The following ACOX3 variants were observed in gnomAD, a reference collection of about 807,000 sequenced individuals.
The protein encoded by ACOX3 is peroxisomal acyl-coenzyme A oxidase 3.
Under a neutral mutation model 81.5 loss-of-function variants are expected in ACOX3, and 73 were observed. The observed-to-expected ratio is 0.90, with a 90% CI of 0.74 to 1.09. The LOEUF is 1.09. Ranked by LOEUF, ACOX3 falls within the 50% of genes least tolerant of loss-of-function variation. The pLI is 0.00. For synonymous variants in ACOX3, 387 were observed against 375.1 expected, an observed-to-expected ratio of 1.03 and a Z score of -0.37; for missense variants, 947 against 928.0, an observed-to-expected ratio of 1.02 and a Z score of -0.27.
chr4:8,425,737 C>T (rs1346133135), intron 1 of ACOX3, among the ~76,000 whole-genome samples: 1 of 151,320 alleles, frequency 6.6e-6, no homozygotes, highest in Non-Finnish European at 1.5e-5. Flanking sequence ...GGAGGCCTTT[C>T]CTTGTAGGAC....
Position 8,423,310 on chromosome 4 carries a change from C to G in ACOX3, c.-14-6775G>C, listed in dbSNP as rs1191105148. Among the ~76,000 whole-genome samples, 1 of 152,152 alleles carries G rather than the reference C, an allele frequency of 6.6e-6. No individual in the cohort carries two copies. The highest frequency in any genetic ancestry group is 2.4e-5 in the African/African-American group (1 of 41,430). On this transcript the variant is annotated intron_variant, in intron 1 of 17. Coordinates refer to ENST00000356406, the MANE Select transcript of ACOX3 (RefSeq NM_003501.3). The surrounding 1 kb of genome is among the most constrained non-coding windows in gnomAD (Gnocchi z 4.2). Reference sequence around the variant, plus strand: ...AAGCAGGGGCCATTATACACCTGAACATGGGAGAAGGAACACCGTTTGCTG... The same window carrying G: ...AAGCAGGGGCCATTATACACCTGAAGATGGGAGAAGGAACACCGTTTGCTG...
At position 8,381,682 on chromosome 4, in the gene ACOX3, C is replaced by A; in HGVS notation, c.1538-75G>T. 4 of 1,113,760 alleles carry A rather than the reference C, an allele frequency of 3.6e-6. No homozygotes were observed. In the South Asian group the frequency reaches 5.3e-5, roughly 15 times the overall value. 69.0% of individuals were successfully genotyped at this position (1,113,760 alleles called of 1,614,324 possible). ...ATTTGTCACAACTCACCCCCAGGGACAAGGCACTGCCAGCATCCTGCAGGT... is the reference window on the plus strand; with the variant it reads ...ATTTGTCACAACTCACCCCCAGGGAAAAGGCACTGCCAGCATCCTGCAGGT... On this transcript the variant is annotated intron_variant, in intron 13 of 17. Transcript: ENST00000356406. This position sits in a 1 kb window ranked among gnomAD's most constrained non-coding sequence, Gnocchi z 4.3.
In ACOX3 at chr4:8,440,672, T is replaced by A; in HGVS notation, c.-39A>T. 1 of 1,019,224 alleles carries A rather than the reference T, an allele frequency of 9.8e-7. No homozygotes were observed. 63.1% of individuals were successfully genotyped at this position (1,019,224 alleles called of 1,614,324 possible). On this transcript the variant is annotated 5_prime_UTR_variant, in exon 1 of 18. Coordinates refer to ENST00000356406, the MANE Select transcript of ACOX3 (RefSeq NM_003501.3). Reference sequence around the variant, plus strand: ...CCCACACACTCCACAGTTCAACCCCTGCCAGGGAAACCAAAAGCAGGAAAG... The same window carrying A: ...CCCACACACTCCACAGTTCAACCCCAGCCAGGGAAACCAAAAGCAGGAAAG...
In ACOX3 at chr4:8,381,674, C is replaced by T; in HGVS notation, c.1538-67G>A. 3.2e-6 allele frequency: 4 copies of T among 1,263,040 alleles called. No homozygotes were observed. The South Asian group carries it at 5.0e-5, about 16-fold the overall frequency. 78.2% of individuals were successfully genotyped at this position (1,263,040 alleles called of 1,614,324 possible). On this transcript the variant is annotated intron_variant, in intron 13 of 17. Coordinates refer to ENST00000356406, the MANE Select transcript of ACOX3 (RefSeq NM_003501.3). The surrounding 1 kb of genome is among the most constrained non-coding windows in gnomAD (Gnocchi z 4.3). ...AACACAGCATTTGTCACAACTCACC[C>T]CCAGGGACAAGGCACTGCCAGCATC... is the stretch of plus-strand genomic sequence containing the variant.
chr4:8,366,808 TG>T lies in ACOX3; in HGVS notation c.*152del. 9.3e-7 allele frequency: 1 copy of T among 1,078,354 alleles called. No individual in the cohort carries two copies. Among genetic ancestry groups the T allele is most frequent in the Non-Finnish European group, 1.3e-6 (1 of 767,058 alleles). 66.8% of individuals were successfully genotyped at this position (1,078,354 alleles called of 1,614,324 possible). The stretch of plus-strand genomic sequence containing the variant: ...GCCGGGTGCCTCCCTCCCGTCCGCC[TG>T]GGCAGTTGAGGCCAATCAGCAGTTT... On this transcript the variant is annotated 3_prime_UTR_variant, in exon 18 of 18. Coordinates refer to ENST00000356406, the MANE Select transcript of ACOX3 (RefSeq NM_003501.3).
At chr4:8,374,883 G>C (rs1380109671) in intron 15 of ACOX3, 95 bp downstream of exon 15, 2 of 1,352,716 alleles carry the variant, frequency 1.5e-6, no homozygotes, top group Non-Finnish European at 2.0e-6. Context: ...TGAGTCCCGT[G>C]GAAGGAGGAC....
intron 1 of ACOX3, among the ~76,000 whole-genome samples, chr4:8,429,604 T>A (rs1579004296): frequency 6.6e-6 from 1 of 152,030 alleles, no homozygotes; most frequent in East Asian, 1.9e-4. Flanking sequence ...GGGCTGCCAG[T>A]GAAAGAGCGA....
Position 8,423,628 on chromosome 4 carries a change from G to T in ACOX3, c.-14-7093C>A, listed in dbSNP as rs997601732. On this transcript the variant is annotated intron_variant, in intron 1 of 17. Transcript: ENST00000356406. This position sits in a 1 kb window ranked among gnomAD's most constrained non-coding sequence, Gnocchi z 4.2. ...AGTGCAAGATCTCAGGATTATCAAT[G>T]AGGCTGTTGTTCCTCTATACCCAGC... Among the ~76,000 whole-genome samples the T allele has an allele frequency of 6.6e-5, 10 of 152,182 alleles. No homozygotes were observed. Among genetic ancestry groups the T allele is most frequent in the African/African-American group, 2.2e-4 (9 of 41,458 alleles).
Position 8,423,686 on chromosome 4 carries a change from A to C in ACOX3, c.-14-7151T>G, listed in dbSNP as rs1425258193. ...AATCTTATACTCACTCTGCTTTCCC[A>C]AATACCAGAGGAAGCAGAGTGGTTT... On this transcript the variant is annotated intron_variant, in intron 1 of 17. Coordinates refer to ENST00000356406, the MANE Select transcript of ACOX3 (RefSeq NM_003501.3). The surrounding 1 kb of genome is among the most constrained non-coding windows in gnomAD (Gnocchi z 4.2). Among the ~76,000 whole-genome samples the C allele has an allele frequency of 6.6e-6, 1 of 152,188 alleles. No individual in the cohort carries two copies. The highest frequency in any genetic ancestry group is 1.5e-5 in the Non-Finnish European group (1 of 68,034).
At chr4:8,409,561 T>A (rs1416803775) in intron 6 of ACOX3, among the ~76,000 whole-genome samples, 1 of 144,990 alleles carries the variant, frequency 6.9e-6, no homozygotes, top group Non-Finnish European at 1.5e-5. Context: ...GGCTGTGGGA[T>A]ACACTTTGGG....
chr4:8,365,111 C>A (rs916658963), downstream of ACOX3, among the ~76,000 whole-genome samples: 1 of 152,220 alleles, frequency 6.6e-6, no homozygotes, highest in Non-Finnish European at 1.5e-5. Flanking sequence ...TGACAGCCCA[C>A]GCAGGCCCAA....
rs868263842 is a variant in ACOX3 at position 8,394,912 on chromosome 4, C to T, written c.1057-170G>A. 1.0e-4 allele frequency: 88 copies of T among 874,944 alleles called. 2 individuals are homozygous for T. The Middle Eastern group carries it at 6.4e-3, about 64-fold the overall frequency. 54.2% of individuals were successfully genotyped at this position (874,944 alleles called of 1,614,324 possible). A position where few individuals can be genotyped will look rare whatever the true frequency, so the allele number is the denominator to read the frequency against. On this transcript the variant is annotated intron_variant, in intron 9 of 17. Transcript: ENST00000356406. This position sits in a 1 kb window ranked among gnomAD's most constrained non-coding sequence, Gnocchi z 5.9. The stretch of plus-strand genomic sequence containing the variant: ...ACATCAGAAAGCCTTCACCCTGACA[C>T]GCTCTCAACTCAGCCAGTTCGGCTT...
chr4:8,426,505 C>G (rs1429496841), intron 1 of ACOX3, among the ~76,000 whole-genome samples: 1 of 138,760 alleles, frequency 7.2e-6, no homozygotes, highest in Non-Finnish European at 1.6e-5. Flanking sequence ...TCCATGGCCC[C>G]CCCCGTCATA....
rs1443698138 is a variant in ACOX3 at position 8,370,931 on chromosome 4, G to A, written c.1960C>T (p.Pro654Ser). ...ACCTCGCCGTCGGCTCTGCCAATCG[G>A]TGAGTCCAGAACAAAGTCAGGAGGA... ...IAPPDFVLDS[P>S]IGRADGELYK... Residue 654 changes from proline (P) to serine (S), a missense_variant, in exon 17 of 18, where the codon CCG becomes TCG. Pro to Ser is a moderately conservative substitution (Grantham distance 74). Transcript: ENST00000356406. The surrounding 1 kb of genome is among the most constrained non-coding windows in gnomAD (Gnocchi z 6.3). 1.1e-5 allele frequency: 18 copies of A among 1,613,916 alleles called. No homozygotes were observed. The highest frequency in any genetic ancestry group is 1.5e-5 in the Non-Finnish European group (18 of 1,180,030).
intron 17 of ACOX3, among the ~76,000 whole-genome samples, chr4:8,367,706 G>A (rs763527564): frequency 2.2e-5 from 3 of 138,256 alleles, no homozygotes; most frequent in East Asian, 2.3e-4. Flanking sequence ...GAGGTGGCTC[G>A]TTCCTGTAAT....
At chr4:8,436,991 C>CAAAAAAAA (rs60797435) in intron 1 of ACOX3, among the ~76,000 whole-genome samples, 1 of 89,400 alleles carries the variant, frequency 1.1e-5, no homozygotes, top group African/African-American at 4.6e-5. Flanking sequence ...GACTCCATCT[C>CAAAAAAAA]AAAAAAAAAA....
chr4:8,425,803 G>A (rs1387019370), intron 1 of ACOX3, among the ~76,000 whole-genome samples: 5 of 151,880 alleles, frequency 3.3e-5, no homozygotes, highest in Non-Finnish European at 7.4e-5. Context: ...TCCCAGATTC[G>A]GACTTCCCTG....
rs1724013104 is a variant in ACOX3, at chr4:8,432,479, C to T, written c.-15+8169G>A. 6.6e-6 allele frequency among the ~76,000 whole-genome samples: 1 copy of T among 151,876 alleles called. No individual in the cohort carries two copies. Among genetic ancestry groups the T allele is most frequent in the Admixed American group, 6.6e-5 (1 of 15,246 alleles). ...CGATCTCCTGACCTTGTGATCCACC[C>T]ACCTCGGCCTCCCAATGTGCTGGGA... On this transcript the variant is annotated intron_variant, in intron 1 of 17. Coordinates refer to ENST00000356406, the MANE Select transcript of ACOX3 (RefSeq NM_003501.3). This position sits in a 1 kb window ranked among gnomAD's most constrained non-coding sequence, Gnocchi z 6.2.
intron 17 of ACOX3, among the ~76,000 whole-genome samples, chr4:8,369,153 G>A (rs2108780334): frequency 6.6e-6 from 1 of 152,276 alleles, no homozygotes; most frequent in Middle Eastern, 3.4e-3. Context: ...ACAGCAGGTA[G>A]ACGCTCAAGG....
Sources: gnomAD v4.1 joint callset for allele counts (sites outside exome capture counted in the v4.1 genomes callset) on GRCh38, gnomAD v4.1.1 for gene constraint, Gnocchi (gnomAD v3.1) non-coding constraint, MANE v1.5 for transcripts, NCBI Gene and HGNC (gene_info 2026-07-23, HGNC 2026-07-21) for gene names.